SLX4: variants seen among roughly 807,000 people sequenced by gnomAD.
SLX4 encodes SLX4 structure-specific endonuclease subunit.
SLX4 carries 112 observed loss-of-function variants against 146.2 expected under a neutral mutation model. The ratio of observed to expected loss-of-function variants is 0.77; its 90% CI spans 0.66 to 0.90. SLX4 has a LOEUF of 0.90. SLX4 is among the 40% of genes least tolerant of loss of function. The pLI is 0.00. For missense variants in SLX4, 2,563 were observed against 2,392.7 expected, an observed-to-expected ratio of 1.07 and a Z score of -1.49; for synonymous variants, 1,061 against 997.7, an observed-to-expected ratio of 1.06 and a Z score of -1.20.
intron 9 of SLX4, 67 bp downstream of exon 9, chr16:3,595,538 A>T: frequency 6.4e-7 from 1 of 1,568,818 alleles, no homozygotes; most frequent in East Asian, 2.2e-5. Context: ...CGGTGAGCCA[A>T]CCCCACCACA....
chr16:3,607,149 C>G (rs1020495131), intron 2 of SLX4, among the ~76,000 whole-genome samples: 2 of 152,154 alleles, frequency 1.3e-5, no homozygotes, highest in African/African-American at 4.8e-5. Context: ...CACGGATGAT[C>G]TTCAGTGGGG....
chr16:3,603,628 G>A (rs2040752307), intron 3 of SLX4, among the ~76,000 whole-genome samples: 1 of 152,240 alleles, frequency 6.6e-6, no homozygotes, highest in African/African-American at 2.4e-5. Flanking sequence ...CTGTAGGTCT[G>A]CCGATAATGG....
chr16:3,582,827 G>T, intron 14 of SLX4, 134 bp from the exon 15 acceptor site: 1 of 920,734 alleles, frequency 1.1e-6, no homozygotes, highest in Non-Finnish European at 1.7e-6. Flanking sequence ...CAGCAAGGCA[G>T]GACGGGCCTG....
intron 12 of SLX4, among the ~76,000 whole-genome samples, chr16:3,586,729 A>G (rs562577395): frequency 6.6e-6 from 1 of 152,018 alleles, no homozygotes; most frequent in East Asian, 1.9e-4. Flanking sequence ...GAGGCGGGAG[A>G]ATCGCTTGGA....
rs1406412705 is a variant in SLX4 at position 3,589,009 on chromosome 16, C to G, written c.4629G>C (p.Glu1543Asp). ...AGGAQKPEGL[E>D]TPKGANRKKN... ...GCTCTCCTGGCTACTCACTGGGTGT[C>G]TCTAACCCTTCGGGCTTCTGAGCTC... is the stretch of plus-strand genomic sequence containing the variant. The change falls in exon 12 of 15, where the codon GAG (glutamate) becomes GAC (aspartate). Residue 1543 changes from glutamate (E) to aspartate (D), a missense_variant. Transcript: ENST00000294008. This position sits in a 1 kb window ranked among gnomAD's most constrained non-coding sequence, Gnocchi z 6.2. 4 of 1,614,070 alleles carry G rather than the reference C, an allele frequency of 2.5e-6. No homozygotes were observed. The highest frequency in any genetic ancestry group is 1.7e-6 in the Non-Finnish European group (2 of 1,180,038).
rs750682578 is a variant in SLX4 at position 3,589,991 on chromosome 16, T to A, written c.3647A>T (p.Gln1216Leu). 1 of 1,613,956 alleles carries A rather than the reference T, an allele frequency of 6.2e-7. No individual in the cohort carries two copies. The highest frequency in any genetic ancestry group is 2.2e-5 in the East Asian group (1 of 44,878). Residue 1216 changes from glutamine to leucine, a missense_variant, in exon 12 of 15, where the codon CAG becomes CTG. Gln to Leu is a moderately radical substitution (Grantham distance 113). Transcript: ENST00000294008. The surrounding 1 kb of genome is among the most constrained non-coding windows in gnomAD (Gnocchi z 6.2). The stretch of plus-strand genomic sequence containing the variant: ...CTCCGGCAGCGCCCCCTCATCCTCC[T>A]GCTGCAGCACAGCTTCGCTTCTTGG... ...SPPRSEAVLQ[Q>L]EDEGALPENR...
chr16:3,608,944 C>T lies in SLX4; in HGVS notation c.21G>A (p.Glu7=), dbSNP rs1250260731. 3 of 1,613,656 alleles carry T rather than the reference C, an allele frequency of 1.9e-6. No homozygotes were observed. The highest frequency in any genetic ancestry group is 8.5e-7 in the Non-Finnish European group (1 of 1,180,008). The part of the protein sequence containing the change: MKLSVN[E]AQLGFYLGSL... The stretch of plus-strand genomic sequence containing the variant: ...AACCCAAGTAGAAGCCTAGCTGAGC[C>T]TCATTCACACTCAGTTTCATTAGGG... The change falls in exon 2 of 15, where the codon GAG becomes GAA. Residue 7 remains glutamate (E), a synonymous_variant. Coordinates refer to ENST00000294008, the MANE Select transcript of SLX4 (RefSeq NM_032444.4).
chr16:3,585,309 G>A (rs13335275), intron 12 of SLX4, among the ~76,000 whole-genome samples: 15,472 of 152,164 alleles, frequency 0.1, 1,515 homozygotes, highest in African/African-American at 0.25. Context: ...CAAAGGGGCC[G>A]GGCGCGGTGG....
chr16:3,611,599 G>GCGCCTGCGCATGCGC lies in SLX4; in HGVS notation c.-643_-642insGCGCATGCGCAGGCG, dbSNP rs2040877389. ...CGGCACCTTCTTAACGGAGACTCGC[G>GCGCCTGCGCATGCGC]CGCCTGCGCATGCGCCGCCCGCGCC... On this transcript the variant is annotated 5_prime_UTR_variant, in exon 1 of 15. In the 5' UTR this introduces an upstream ATG that the reference lacks. Transcript: ENST00000294008. The GCGCCTGCGCATGCGC allele has an allele frequency of 6.6e-6, 1 of 152,046 alleles. No individual in the cohort carries two copies. The highest frequency in any genetic ancestry group is 2.4e-5 in the African/African-American group (1 of 41,436). The allele number at this position is 152,046 out of a possible 1,614,324, so 9.4% of individuals were successfully genotyped here.
rs564227350 is a variant in SLX4 at position 3,599,426 on chromosome 16, A to G, written c.1164-1427T>C. ...CGTCCTCAGCAGCAGGGCAGCGTGGAGCAGGGCCAGCCCTCTGGCACTTGT... is the reference window on the plus strand; with the variant it reads ...CGTCCTCAGCAGCAGGGCAGCGTGGGGCAGGGCCAGCCCTCTGGCACTTGT... On this transcript the variant is annotated intron_variant, in intron 5 of 14. Transcript: ENST00000294008. Among the ~76,000 whole-genome samples the G allele has an allele frequency of 1.2e-4, 19 of 152,340 alleles. No individual in the cohort carries two copies. In the South Asian group the frequency reaches 3.7e-3, roughly 30 times the overall value.
At chr16:3,607,546 C>CGG (rs2040800505) in intron 2 of SLX4, among the ~76,000 whole-genome samples, 1 of 152,066 alleles carries the variant, frequency 6.6e-6, no homozygotes, top group South Asian at 2.1e-4. Context: ...TATCCAGGCA[C>CGG]GGTGGTGGGT....
chr16:3,589,899 C>T lies in SLX4; in HGVS notation c.3739G>A (p.Glu1247Lys), dbSNP rs978074181. The T allele has an allele frequency of 6.8e-6, 11 of 1,613,738 alleles. No individual in the cohort carries two copies. Among genetic ancestry groups the T allele is most frequent in the Admixed American group, 3.3e-5 (2 of 60,008 alleles). The change falls in exon 12 of 15, where the codon GAG becomes AAG. Residue 1247 changes from glutamate (E) to lysine (K), a missense_variant. Transcript: ENST00000294008. This position sits in a 1 kb window ranked among gnomAD's most constrained non-coding sequence, Gnocchi z 6.2. ...CACGAGGTGTCTGTGGTGCTGGCCT[C>T]GCTGGGGCTGCTCTCACGGTCACAG... ...LFCDRESSPSEASTTDTSWLV... is the reference protein window; with the variant it reads ...LFCDRESSPSKASTTDTSWLV...
chr16:3,596,014 G>A (rs538155400), intron 8 of SLX4, 139 bp downstream of exon 8: 38 of 1,301,632 alleles, frequency 2.9e-5, no homozygotes, highest in African/African-American at 4.5e-5. Flanking sequence ...AAATGAAAGC[G>A]CCCAGAGGCT....
rs748260629 is a variant in SLX4, at chr16:3,597,374, C to A, written c.1683+5G>T. 1.9e-6 allele frequency: 3 copies of A among 1,548,460 alleles called. No homozygotes were observed. Among genetic ancestry groups the A allele is most frequent in the Non-Finnish European group, 2.6e-6 (3 of 1,145,216 alleles). ...CTATCCATGTGCCTGAGGGGAGGGA[C>A]TCACCTGGGCAGGCCGCTGGGGCAC... On this transcript the variant is annotated splice_donor_5th_base_variant and intron_variant, in intron 7 of 14. Coordinates refer to ENST00000294008, the MANE Select transcript of SLX4 (RefSeq NM_032444.4). This position sits in a 1 kb window ranked among gnomAD's most constrained non-coding sequence, Gnocchi z 4.4.
At position 3,594,492 on chromosome 16, in the gene SLX4, C is replaced by T. The variant is rs1269164538; in HGVS notation, c.2121G>A (p.Lys707=). ...GCGGGCATCGGGCATAAAGCACGAA[C>T]TTGTGGGCGTAAAGCACCTCCCCGC... The part of the protein sequence containing the change: ...TDSGEVLYAH[K]FVLYARCPLL... Residue 707 remains lysine (K), a synonymous_variant, in exon 10 of 15, where the codon AAG becomes AAA. Transcript: ENST00000294008. 4 of 1,614,090 alleles carry T rather than the reference C, an allele frequency of 2.5e-6. No individual in the cohort carries two copies. The South Asian group carries it at 3.3e-5, about 13-fold the overall frequency.
At chr16:3,602,740 GAT>G (rs569184683) in intron 3 of SLX4, among the ~76,000 whole-genome samples, 342 of 152,314 alleles carry the variant, frequency 2.2e-3, no homozygotes, top group African/African-American at 7.8e-3. Context: ...AACAAAGCTA[GAT>G]GTTCTCTTCA....
chr16:3,588,241 C>T (rs1165512475), intron 12 of SLX4, among the ~76,000 whole-genome samples: 2 of 152,358 alleles, frequency 1.3e-5, no homozygotes, highest in East Asian at 3.9e-4. Context: ...CCCCATTCCC[C>T]CTCCCTCCAA....
intron 13 of SLX4, 50 bp downstream of exon 13, chr16:3,584,719 T>G: frequency 7.2e-7 from 1 of 1,398,228 alleles, no homozygotes; most frequent in Non-Finnish European, 1.0e-6. Flanking sequence ...CCCAGTTACT[T>G]ATGGGAGGGA....
At chr16:3,584,602 G>C (rs1209894355) in intron 13 of SLX4, among the ~76,000 whole-genome samples, 167 bp downstream of exon 13, 3 of 152,164 alleles carry the variant, frequency 2.0e-5, no homozygotes, top group African/African-American at 7.2e-5. Flanking sequence ...AGTCACACAT[G>C]CTCCCTAAGG....
Sources: gnomAD v4.1 joint callset for allele counts (sites outside exome capture counted in the v4.1 genomes callset) on GRCh38, gnomAD v4.1.1 for gene constraint, Gnocchi (gnomAD v3.1) non-coding constraint, MANE v1.5 for transcripts, NCBI Gene and HGNC (gene_info 2026-07-23, HGNC 2026-07-21) for gene names.